Variants in SLC13A1 observed in about 807,000 individuals in gnomAD.
The protein encoded by SLC13A1 is solute carrier family 13 member 1.
Under a neutral mutation model 70.0 loss-of-function variants are expected in SLC13A1, and 65 were observed. That is an observed-to-expected ratio of 0.93 (90% confidence interval 0.76 to 1.14). The LOEUF (loss-of-function observed/expected upper bound fraction) is 1.14, where lower values mean the gene tolerates loss of function less well. SLC13A1 is among the 50% of genes most tolerant of loss of function. SLC13A1 has a pLI of 0.00. For missense variants in SLC13A1, 726 were observed against 717.8 expected, an observed-to-expected ratio of 1.01 and a Z score of -0.13; for synonymous variants, 275 against 250.5, an observed-to-expected ratio of 1.10 and a Z score of -0.92.
In SLC13A1 at chr7:123,199,798, C is replaced by T. The variant is rs1403863004; in HGVS notation, c.99+50G>A. 1.2e-5 allele frequency: 16 copies of T among 1,356,224 alleles called. No homozygotes were observed. The East Asian group carries it at 3.2e-4, about 27-fold the overall frequency. 84.0% of individuals were successfully genotyped at this position (1,356,224 alleles called of 1,614,324 possible). A position where few individuals can be genotyped will look rare whatever the true frequency, so the allele number is the denominator to read the frequency against. On this transcript the variant is annotated intron_variant, in intron 1 of 14. Transcript: ENST00000194130. ...AACAGCAAACAGTTTTAATAAAGGA[C>T]AATTAAATAAGTCAGGAAATCCACC...
At chr7:123,174,106 T>A (rs1302075325) in intron 2 of SLC13A1, among the ~76,000 whole-genome samples, 1 of 152,056 alleles carries the variant, frequency 6.6e-6, no homozygotes, top group Non-Finnish European at 1.5e-5. Flanking sequence ...CTTTATAGTC[T>A]CCTTGTTTTA....
intron 2 of SLC13A1, among the ~76,000 whole-genome samples, chr7:123,174,052 C>A (rs1056243796): frequency 6.8e-6 from 1 of 147,866 alleles, no homozygotes; most frequent in Non-Finnish European, 1.5e-5. Context: ...CCAGTTATCT[C>A]GGTCCTCCAA....
chr7:123,180,062 G>T (rs1275448436), intron 2 of SLC13A1, among the ~76,000 whole-genome samples: 2 of 151,998 alleles, frequency 1.3e-5, no homozygotes, highest in Non-Finnish European at 2.9e-5. Context: ...CAAATCAATG[G>T]CCATTAGAAA....
At chr7:123,153,676 A>T (rs1416720941) in intron 6 of SLC13A1, among the ~76,000 whole-genome samples, 1 of 152,120 alleles carries the variant, frequency 6.6e-6, no homozygotes, top group Non-Finnish European at 1.5e-5. Context: ...CAGGTATCAC[A>T]GCAGATTAAT....
intron 7 of SLC13A1, among the ~76,000 whole-genome samples, chr7:123,140,494 G>A (rs558166593): frequency 6.6e-6 from 1 of 152,128 alleles, no homozygotes; most frequent in Non-Finnish European, 1.5e-5. Flanking sequence ...AGTTTGAGTA[G>A]GATTGATATT....
At chr7:123,142,179 C>G (rs1377121275) in intron 7 of SLC13A1, among the ~76,000 whole-genome samples, 1 of 152,158 alleles carries the variant, frequency 6.6e-6, no homozygotes, top group Non-Finnish European at 1.5e-5. Context: ...CACTCTCCCA[C>G]CCCTTTCCAA....
intron 7 of SLC13A1, among the ~76,000 whole-genome samples, chr7:123,137,096 C>T (rs931609443): frequency 1.4e-4 from 21 of 152,104 alleles, no homozygotes; most frequent in Non-Finnish European, 2.1e-4. Flanking sequence ...CTAATTGGAA[C>T]GTAGTAAGTT....
intron 6 of SLC13A1, among the ~76,000 whole-genome samples, chr7:123,166,487 G>A (rs1478248149): frequency 1.3e-5 from 2 of 152,044 alleles, no homozygotes; most frequent in Non-Finnish European, 2.9e-5. Flanking sequence ...TTGGTGTGCT[G>A]AACCCAGTAA....
intron 9 of SLC13A1, 63 bp downstream of exon 9, chr7:123,129,320 T>TTA: frequency 9.7e-7 from 1 of 1,030,586 alleles, no homozygotes. Flanking sequence ...CATTTCTCTC[T>TTA]TCTCTGTGTG....
intron 1 of SLC13A1, among the ~76,000 whole-genome samples, chr7:123,182,961 C>T (rs1795686957): frequency 6.6e-6 from 1 of 152,076 alleles, no homozygotes; most frequent in Admixed American, 6.6e-5. Context: ...CACAACACCT[C>T]CTGACATCAA....
intron 2 of SLC13A1, among the ~76,000 whole-genome samples, chr7:123,173,120 G>A (rs1009207994): frequency 1.7e-4 from 26 of 151,972 alleles, no homozygotes; most frequent in Non-Finnish European, 3.2e-4. Flanking sequence ...TCAAACAATA[G>A]CTAATAGAAG....
intron 7 of SLC13A1, among the ~76,000 whole-genome samples, chr7:123,143,628 C>T (rs1563328784): frequency 2.0e-5 from 3 of 152,158 alleles, no homozygotes; most frequent in Admixed American, 2.0e-4. Flanking sequence ...TGTGATTTTA[C>T]ACTGTTTTCT....
chr7:123,171,925 G>T, intron 2 of SLC13A1, 21 bp from the exon 3 acceptor site: 1 of 1,603,050 alleles, frequency 6.2e-7, no homozygotes, highest in South Asian at 1.1e-5. Flanking sequence ...AATTAAACCC[G>T]TGATTATTTA....
intron 6 of SLC13A1, among the ~76,000 whole-genome samples, chr7:123,161,773 C>G (rs1038571777): frequency 1.2e-4 from 18 of 152,156 alleles, no homozygotes; most frequent in African/African-American, 4.3e-4. Flanking sequence ...CAAAAGAAAA[C>G]AAGAGAATGA....
chr7:123,153,836 AT>A (rs1267734301), intron 6 of SLC13A1, among the ~76,000 whole-genome samples: 1 of 152,130 alleles, frequency 6.6e-6, no homozygotes, highest in African/African-American at 2.4e-5. Context: ...AACAAAAAAT[AT>A]TTCTACATAT....
chr7:123,192,063 C>T (rs1271141754), intron 1 of SLC13A1, among the ~76,000 whole-genome samples: 2 of 152,142 alleles, frequency 1.3e-5, no homozygotes, highest in African/African-American at 2.4e-5. Flanking sequence ...TCTGTTCTCT[C>T]CTCCTTGCCT....
intron 7 of SLC13A1, among the ~76,000 whole-genome samples, chr7:123,142,913 G>T (rs963702956): frequency 2.0e-5 from 3 of 151,944 alleles, no homozygotes; most frequent in African/African-American, 4.8e-5. Flanking sequence ...CACCGCACCC[G>T]GCTGACGAAG....
At chr7:123,197,496 T>C (rs771082753) in intron 1 of SLC13A1, among the ~76,000 whole-genome samples, 1 of 152,142 alleles carries the variant, frequency 6.6e-6, no homozygotes, top group Non-Finnish European at 1.5e-5. Context: ...TCCAAAGGCC[T>C]ACATTCTTTA....
chr7:123,126,638 G>A (rs560330674), intron 10 of SLC13A1, among the ~76,000 whole-genome samples: 20 of 152,122 alleles, frequency 1.3e-4, no homozygotes, highest in East Asian at 7.7e-4. Context: ...AAGAAATGCC[G>A]TATCTTTCTC....
Sources: gnomAD v4.1 joint callset for allele counts (sites outside exome capture counted in the v4.1 genomes callset) on GRCh38, gnomAD v4.1.1 for gene constraint, MANE v1.5 for transcripts, NCBI Gene and HGNC (gene_info 2026-07-23, HGNC 2026-07-21) for gene names.